The following CACUL1 variants were observed in gnomAD, a reference collection of about 807,000 sequenced individuals.
CACUL1 encodes CDK2-associated and cullin domain-containing protein 1.
In CACUL1, 13 loss-of-function variants were observed where a neutral mutation model predicts 45.2. The observed-to-expected ratio is 0.29, with a 90% CI of 0.19 to 0.46. CACUL1 has a LOEUF of 0.46. CACUL1 is among the 20% of genes least tolerant of loss of function. CACUL1 has a pLI of 1.00. For missense variants in CACUL1, 421 were observed against 471.4 expected (o/e 0.89, Z 0.99); for synonymous variants, 197 against 174.2 (o/e 1.13, Z -1.03).
intron 3 of CACUL1, among the ~76,000 whole-genome samples, chr10:118,721,236 G>A (rs761812808): frequency 1.2e-4 from 19 of 152,286 alleles, no homozygotes; most frequent in Non-Finnish European, 1.6e-4. Context: ...AAATAGCAAC[G>A]CAATCCTTGC....
At chr10:118,706,284 C>G (rs12414412) in intron 4 of CACUL1, among the ~76,000 whole-genome samples, 25,988 of 152,210 alleles carry the variant, frequency 0.17, 2,925 homozygotes, top group African/African-American at 0.29. Context: ...ATTTACCCAG[C>G]CTTAATTCCT....
intron 3 of CACUL1, among the ~76,000 whole-genome samples, chr10:118,714,428 G>T (rs369710990): frequency 6.6e-5 from 10 of 152,242 alleles, no homozygotes; most frequent in African/African-American, 2.2e-4. Flanking sequence ...TAAGTATTGG[G>T]AAGCTATCAA....
In CACUL1 at chr10:118,730,404, T is replaced by G; in HGVS notation, c.374A>C (p.Asn125Thr). The G allele has an allele frequency of 3.7e-6, 6 of 1,611,088 alleles. No homozygotes were observed. Among genetic ancestry groups the G allele is most frequent in the Non-Finnish European group, 5.1e-6 (6 of 1,177,978 alleles). Residue 125 changes from asparagine to threonine, a missense_variant, in exon 2 of 9, where the codon AAT becomes ACT. Coordinates refer to ENST00000369151, the MANE Select transcript of CACUL1 (RefSeq NM_153810.5). Reference sequence around the variant, plus strand: ...CTTATAATCTTCAATAGTTATAACATTCATTACTAAAAGTAAAAAGTAAAA... The same window carrying G: ...CTTATAATCTTCAATAGTTATAACAGTCATTACTAAAAGTAAAAAGTAAAA... ...INTSTSKFLM[N>T]VITIEDYKST...
At chr10:118,713,209 GC>G (rs1845508957) in intron 3 of CACUL1, among the ~76,000 whole-genome samples, 1 of 152,232 alleles carries the variant, frequency 6.6e-6, no homozygotes, top group East Asian at 1.9e-4. Context: ...ACCTGGGCTC[GC>G]CCCCAACTTT....
intron 4 of CACUL1, 130 bp from the exon 5 acceptor site, chr10:118,701,538 A>T (rs1845380095): frequency 4.1e-6 from 2 of 482,744 alleles, no homozygotes; most frequent in Non-Finnish European, 7.4e-6. Flanking sequence ...CTCAACATCC[A>T]ACAACAAAAG....
intron 4 of CACUL1, among the ~76,000 whole-genome samples, chr10:118,705,213 T>A (rs536775953): frequency 1.3e-5 from 2 of 152,242 alleles, no homozygotes; most frequent in Non-Finnish European, 2.9e-5. Context: ...TAATAAAAAC[T>A]TCAAGCTATT....
At chr10:118,702,701 C>T (rs1220313613) in intron 4 of CACUL1, among the ~76,000 whole-genome samples, 1 of 151,864 alleles carries the variant, frequency 6.6e-6, no homozygotes, top group Admixed American at 6.6e-5. Context: ...CCTGTCTCAG[C>T]CTCCCGAGTA....
At chr10:118,697,267 C>A (rs1362521451) in intron 5 of CACUL1, among the ~76,000 whole-genome samples, 1 of 152,074 alleles carries the variant, frequency 6.6e-6, no homozygotes, top group Non-Finnish European at 1.5e-5. Flanking sequence ...GAAACTGAGG[C>A]CAAAATAAAA....
intron 4 of CACUL1, among the ~76,000 whole-genome samples, chr10:118,703,495 T>C (rs1463750627): frequency 6.6e-6 from 1 of 152,220 alleles, no homozygotes; most frequent in African/African-American, 2.4e-5. Context: ...AATACAAATG[T>C]TCCTCAATGT....
At position 118,729,416 on chromosome 10, in the gene CACUL1, C is replaced by T. The variant is rs762706455; in HGVS notation, c.495-19G>A. ...CACACAACTGTAAAACAAACAAAAACCCCCACAAACCAAGTTAATCATAAA... is the reference window on the plus strand; with the variant it reads ...CACACAACTGTAAAACAAACAAAAATCCCCACAAACCAAGTTAATCATAAA... On this transcript the variant is annotated intron_variant, in intron 2 of 8. Coordinates refer to ENST00000369151, the MANE Select transcript of CACUL1 (RefSeq NM_153810.5). 7 of 1,556,094 alleles carry T rather than the reference C, an allele frequency of 4.5e-6. No individual in the cohort carries two copies. The highest frequency in any genetic ancestry group is 1.4e-5 in the African/African-American group (1 of 73,746).
chr10:118,697,069 G>C (rs1224285076), intron 5 of CACUL1, among the ~76,000 whole-genome samples: 2 of 152,100 alleles, frequency 1.3e-5, no homozygotes, highest in African/African-American at 2.4e-5. Context: ...AATGATTTTA[G>C]GAAAACAGTG....
rs908497699 is a variant in CACUL1 at position 118,677,048 on chromosome 10, T to C, written c.*9080A>G. On this transcript the variant is annotated 3_prime_UTR_variant, in exon 9 of 9. Transcript: ENST00000369151. ...ACAATCTGGAATTTCTCTTGGTGAA[T>C]GGTATGATAGGAATCAGTTTAATGT... The C allele has an allele frequency of 1.3e-5, 2 of 152,212 alleles. No homozygotes were observed. Among genetic ancestry groups the C allele is most frequent in the Non-Finnish European group, 2.9e-5 (2 of 68,038 alleles). 9.4% of individuals were successfully genotyped at this position (152,212 alleles called of 1,614,324 possible).
chr10:118,702,801 C>T (rs1845395816), intron 4 of CACUL1, among the ~76,000 whole-genome samples: 1 of 152,062 alleles, frequency 6.6e-6, no homozygotes, highest in South Asian at 2.1e-4. Context: ...AGGCTGGTCT[C>T]AAACTCCTGA....
Position 118,754,679 on chromosome 10 carries a change from C to G in CACUL1, c.84G>C (p.Ala28=), listed in dbSNP as rs946266646. The G allele has an allele frequency of 3.1e-6, 5 of 1,608,806 alleles. No individual in the cohort carries two copies. The African/African-American group carries it at 5.4e-5, about 17-fold the overall frequency. Residue 28 remains alanine, a synonymous_variant, in exon 1 of 9, where the codon GCG becomes GCC. Coordinates refer to ENST00000369151, the MANE Select transcript of CACUL1 (RefSeq NM_153810.5). ...GCAGGGGCTGCCGGAAGCCGTCCAC[C>G]GCAGCCTCCCAGTTGTTGTGGTTCT... ...DDQNHNNWEA[A]VDGFRQPLPP... is the part of the protein sequence containing the mutation.
At chr10:118,738,624 T>C (rs533263279) in intron 1 of CACUL1, among the ~76,000 whole-genome samples, 3 of 151,940 alleles carry the variant, frequency 2.0e-5, no homozygotes, top group South Asian at 2.1e-4. Context: ...CAACCTAACA[T>C]GAAGCCCAAT....
intron 3 of CACUL1, chr10:118,726,296 A>G: frequency 7.8e-7 from 1 of 1,282,240 alleles, no homozygotes; most frequent in Non-Finnish European, 1.0e-6. Context: ...AGAGCACAGG[A>G]GTAGTGGTCA....
intron 3 of CACUL1, among the ~76,000 whole-genome samples, chr10:118,711,733 C>A (rs760195870): frequency 4.6e-5 from 7 of 152,172 alleles, no homozygotes; most frequent in African/African-American, 1.4e-4. Flanking sequence ...AAAGACTATG[C>A]GTATTAAAAA....
intron 1 of CACUL1, among the ~76,000 whole-genome samples, chr10:118,732,304 G>A (rs549313594): frequency 1.9e-4 from 29 of 152,314 alleles, no homozygotes; most frequent in African/African-American, 7.0e-4. Context: ...TGTGAGATGT[G>A]AAAGAAAGGT....
At chr10:118,713,134 G>A (rs1224900653) in intron 3 of CACUL1, among the ~76,000 whole-genome samples, 1 of 152,204 alleles carries the variant, frequency 6.6e-6, no homozygotes, top group African/African-American at 2.4e-5. Flanking sequence ...GGGGGCCGAG[G>A]CAGCAGAGGG....
Sources: allele counts gnomAD v4.1 joint callset (sites outside exome capture counted in the v4.1 genomes callset), GRCh38; gene constraint gnomAD v4.1.1; transcripts MANE v1.5; gene names NCBI Gene and HGNC (gene_info 2026-07-23, HGNC 2026-07-21).